RALA: variants seen among roughly 807,000 people sequenced by gnomAD.
The protein encoded by RALA is RAS like proto-oncogene A.
In RALA, 5 loss-of-function variants were observed where a neutral mutation model predicts 24.0. That is an observed-to-expected ratio of 0.21 (90% CI 0.11 to 0.44). RALA has a LOEUF of 0.44. Among genes scored for constraint, RALA ranks in the 20% least tolerant of loss-of-function variants. RALA has a pLI of 0.99. For synonymous variants in RALA, 77 were observed against 83.8 expected (o/e 0.92, Z 0.44); for missense variants, 95 against 241.2 (o/e 0.39, Z 4.01).
intron 1 of RALA, among the ~76,000 whole-genome samples, chr7:39,632,426 G>A (rs1791613757): frequency 1.3e-5 from 2 of 152,114 alleles, no homozygotes; most frequent in Admixed American, 1.3e-4. Flanking sequence ...CTTCACCATG[G>A]ATATACAAAT....
chr7:39,664,686 C>T (rs1792254022), intron 1 of RALA, among the ~76,000 whole-genome samples: 1 of 152,092 alleles, frequency 6.6e-6, no homozygotes, highest in Non-Finnish European at 1.5e-5. Flanking sequence ...GCTGTGAAAG[C>T]CATTAAGCCC....
intron 1 of RALA, among the ~76,000 whole-genome samples, chr7:39,660,419 G>T (rs1792167708): frequency 6.6e-6 from 1 of 151,984 alleles, no homozygotes; most frequent in Non-Finnish European, 1.5e-5. Flanking sequence ...ATAAGAGGCA[G>T]TCTCTAGTGC....
chr7:39,659,794 A>G (rs970999243), intron 1 of RALA, among the ~76,000 whole-genome samples: 3 of 152,208 alleles, frequency 2.0e-5, no homozygotes, highest in Non-Finnish European at 2.9e-5. Context: ...GCTTCCTTCT[A>G]TCTCTCACTA....
At chr7:39,628,975 T>C (rs1257120592) in intron 1 of RALA, among the ~76,000 whole-genome samples, 1 of 152,266 alleles carries the variant, frequency 6.6e-6, no homozygotes, top group Non-Finnish European at 1.5e-5. Flanking sequence ...CATTCTTAAC[T>C]GCTATCGTGT....
chr7:39,665,546 A>G (rs1379917198), intron 1 of RALA, among the ~76,000 whole-genome samples: 14 of 152,094 alleles, frequency 9.2e-5, no homozygotes, highest in Admixed American at 9.2e-4. Flanking sequence ...AGTCGACTGT[A>G]TAACACACTA....
chr7:39,696,603 GA>G, intron 3 of RALA, 81 bp from the exon 4 acceptor site: 2 of 1,156,154 alleles, frequency 1.7e-6, no homozygotes, highest in Non-Finnish European at 2.4e-6. Flanking sequence ...TAACAATAGG[GA>G]AAAATAGGTA....
At chr7:39,654,030 C>G (rs1228137690) in intron 1 of RALA, among the ~76,000 whole-genome samples, 3 of 152,134 alleles carry the variant, frequency 2.0e-5, no homozygotes. Flanking sequence ...TACTAGGGAA[C>G]AATGAAACAA....
chr7:39,635,314 G>A (rs113467330), intron 1 of RALA, among the ~76,000 whole-genome samples: 9,423 of 152,250 alleles, frequency 0.062, 385 homozygotes, highest in Non-Finnish European at 0.087. Flanking sequence ...GGTGGAGGTT[G>A]CAGTGAGCCG....
intron 1 of RALA, among the ~76,000 whole-genome samples, chr7:39,627,061 A>G (rs1165058486): frequency 2.0e-5 from 3 of 148,712 alleles, no homozygotes; most frequent in South Asian, 2.1e-4. Flanking sequence ...GAATGTGTCC[A>G]TCTCTCTCTC....
chr7:39,705,015 AAG>A (rs1222298520), intron 4 of RALA, among the ~76,000 whole-genome samples: 3 of 152,156 alleles, frequency 2.0e-5, no homozygotes, highest in Non-Finnish European at 4.4e-5. Context: ...TATGTCTCTA[AAG>A]TAGAAATTCT....
At chr7:39,634,891 A>T (rs1336921678) in intron 1 of RALA, among the ~76,000 whole-genome samples, 2 of 152,086 alleles carry the variant, frequency 1.3e-5, no homozygotes, top group Non-Finnish European at 2.9e-5. Flanking sequence ...ATCTGGTTAC[A>T]ACTGCTTGTC....
chr7:39,701,132 C>A (rs977531140), intron 4 of RALA: 1 of 152,242 alleles, frequency 6.6e-6, no homozygotes, highest in Non-Finnish European at 1.5e-5. Context: ...GGCTCAAGGT[C>A]ACGGGGTTCG....
rs768822486 is a variant in RALA, at chr7:39,690,606, A to G, written c.323+16A>G. On this transcript the variant is annotated intron_variant, in intron 3 of 4. Coordinates refer to ENST00000005257, the MANE Select transcript of RALA (RefSeq NM_005402.4). The stretch of plus-strand genomic sequence containing the variant: ...CTGACTTCAGGTATGTCCTAGAGTA[A>G]TGTTGTTGCTTGTGACATACTATAC... 4.5e-5 allele frequency: 70 copies of G among 1,571,848 alleles called. No individual in the cohort carries two copies. In the South Asian group the frequency reaches 7.6e-4, roughly 17 times the overall value.
At chr7:39,681,279 C>T (rs1792593550) in intron 1 of RALA, among the ~76,000 whole-genome samples, 1 of 146,372 alleles carries the variant, frequency 6.8e-6, no homozygotes, top group Non-Finnish European at 1.5e-5. Flanking sequence ...TCTGTTTCTC[C>T]TCAACCCAAA....
At chr7:39,628,422 C>G (rs879459030) in intron 1 of RALA, among the ~76,000 whole-genome samples, 1 of 151,590 alleles carries the variant, frequency 6.6e-6, no homozygotes, top group Non-Finnish European at 1.5e-5. Flanking sequence ...CATTCTTTCT[C>G]TCTCTTAAAG....
chr7:39,643,873 A>C (rs1791881659), intron 1 of RALA, among the ~76,000 whole-genome samples: 1 of 152,146 alleles, frequency 6.6e-6, no homozygotes, highest in African/African-American at 2.4e-5. Flanking sequence ...AGAAATAAAG[A>C]GAGAAAGAAA....
At chr7:39,687,273 A>G (rs764396728) in intron 2 of RALA, among the ~76,000 whole-genome samples, 27 of 152,124 alleles carry the variant, frequency 1.8e-4, no homozygotes, top group Non-Finnish European at 3.7e-4. Context: ...TAAAAATACA[A>G]AAAATTAACT....
intron 1 of RALA, among the ~76,000 whole-genome samples, chr7:39,640,369 A>G (rs1791791728): frequency 6.6e-6 from 1 of 152,170 alleles, no homozygotes; most frequent in Non-Finnish European, 1.5e-5. Context: ...TTTCATTTGC[A>G]TTTCCTTAAT....
At chr7:39,701,743 A>C (rs1793031078) in intron 4 of RALA, among the ~76,000 whole-genome samples, 1 of 152,226 alleles carries the variant, frequency 6.6e-6, no homozygotes, top group Admixed American at 6.5e-5. Context: ...GGAAGTTTCA[A>C]AGATGCAGAT....
Sources: allele counts gnomAD v4.1 joint callset (sites outside exome capture counted in the v4.1 genomes callset), GRCh38; gene constraint gnomAD v4.1.1; transcripts MANE v1.5; gene names NCBI Gene and HGNC (gene_info 2026-07-23, HGNC 2026-07-21).